Variants in ELL observed in about 807,000 individuals in gnomAD.
ELL encodes the protein elongation factor for RNA polymerase II.
Under a neutral mutation model 64.0 loss-of-function variants are expected in ELL, and 18 were observed. The observed-to-expected ratio is 0.28, with a 90% CI of 0.19 to 0.42. The LOEUF (loss-of-function observed/expected upper bound fraction) is 0.42. ELL is among the 10% of genes least tolerant of loss of function. The probability of loss-of-function intolerance (pLI) is 1.00; values close to 1 mark genes in which losing one functional copy is unlikely to be tolerated. For synonymous variants in ELL, 399 were observed against 376.2 expected (o/e 1.06, Z -0.70); for missense variants, 797 against 870.4 (o/e 0.92, Z 1.06).
rs895126982 is a variant in ELL, at chr19:18,444,675, T to A, written c.*77A>T. On this transcript the variant is annotated 3_prime_UTR_variant, in exon 12 of 12. Coordinates refer to ENST00000262809, the MANE Select transcript of ELL (RefSeq NM_006532.4). The stretch of plus-strand genomic sequence containing the variant: ...CTCAGATGAGCATCTTCCTCGGGTT[T>A]ATTTTTTTAAATAAATCCTCTCTCA... 8 of 1,441,270 alleles carry A rather than the reference T, an allele frequency of 5.6e-6. No individual in the cohort carries two copies. The African/African-American group carries it at 1.1e-4, about 20-fold the overall frequency. 89.3% of individuals were successfully genotyped at this position (1,441,270 alleles called of 1,614,324 possible).
chr19:18,521,942 G>A lies in ELL; in HGVS notation c.114C>T (p.Phe38=). ...VKLTDSALRA[F]ESYRARQDSV... Reference sequence around the variant, plus strand: ...TCACCTGTCTGGCGCGGTAGCTCTCGAAGGCCCTCAGGGCACTGTCGGTGA... The same window carrying A: ...TCACCTGTCTGGCGCGGTAGCTCTCAAAGGCCCTCAGGGCACTGTCGGTGA... Residue 38 remains phenylalanine, a synonymous_variant, in exon 1 of 12, where the codon TTC becomes TTT. Transcript: ENST00000262809. 6.2e-7 allele frequency: 1 copy of A among 1,605,706 alleles called. No homozygotes were observed. Among genetic ancestry groups the A allele is most frequent in the South Asian group, 1.1e-5 (1 of 90,130 alleles).
intron 1 of ELL, 57 bp downstream of exon 1, chr19:18,521,864 G>A: frequency 6.6e-7 from 1 of 1,524,230 alleles, no homozygotes; most frequent in South Asian, 1.2e-5. Context: ...AGGGGAGCGC[G>A]AGGCCGGCCC....
chr19:18,494,782 T>C lies in ELL; in HGVS notation c.136-21900A>G, dbSNP rs898086523. Among the ~76,000 whole-genome samples, 3 of 152,234 alleles carry C rather than the reference T, an allele frequency of 2.0e-5. No homozygotes were observed. The South Asian group carries it at 6.2e-4, about 32-fold the overall frequency. ...GACCCCACTGTCCAGCCTTCTGGGC[T>C]CTGACCAGGTGGGGCATCTTCCTGT... On this transcript the variant is annotated intron_variant, in intron 1 of 11. Coordinates refer to ENST00000262809, the MANE Select transcript of ELL (RefSeq NM_006532.4).
chr19:18,490,332 A>C (rs1315003405), intron 1 of ELL, among the ~76,000 whole-genome samples: 1 of 152,090 alleles, frequency 6.6e-6, no homozygotes, highest in Non-Finnish European at 1.5e-5. Flanking sequence ...CCTGAGAGTA[A>C]AAATACTCTT....
intron 1 of ELL, among the ~76,000 whole-genome samples, chr19:18,484,238 T>C (rs572844392): frequency 6.6e-6 from 1 of 152,118 alleles, no homozygotes; most frequent in Non-Finnish European, 1.5e-5. Flanking sequence ...CCGAGGTGGG[T>C]GGATCACTTG....
At chr19:18,503,931 T>C (rs1296284959) in intron 1 of ELL, among the ~76,000 whole-genome samples, 1 of 152,122 alleles carries the variant, frequency 6.6e-6, no homozygotes, top group Non-Finnish European at 1.5e-5. Context: ...GGACACACAC[T>C]CTGGCCAGAC....
At chr19:18,519,467 A>G (rs1018658859) in intron 1 of ELL, among the ~76,000 whole-genome samples, 2 of 152,184 alleles carry the variant, frequency 1.3e-5, no homozygotes, top group African/African-American at 4.8e-5. Flanking sequence ...CGTGCCTTAG[A>G]AAAGTCCATC....
intron 1 of ELL, among the ~76,000 whole-genome samples, chr19:18,507,214 CG>C (rs1362588526): frequency 1.3e-5 from 2 of 152,228 alleles, no homozygotes; most frequent in Non-Finnish European, 2.9e-5. Context: ...TAGCTGCACC[CG>C]CTCCCTGCCC....
intron 1 of ELL, among the ~76,000 whole-genome samples, chr19:18,488,926 C>T (rs1422828165): frequency 2.6e-5 from 4 of 152,180 alleles, no homozygotes; most frequent in African/African-American, 7.2e-5. Context: ...GCAGGTCATG[C>T]GTCCTGGACC....
chr19:18,493,782 C>A (rs1310057345), intron 1 of ELL, among the ~76,000 whole-genome samples: 1 of 152,236 alleles, frequency 6.6e-6, no homozygotes, highest in Non-Finnish European at 1.5e-5. Flanking sequence ...GCAACCCCAT[C>A]CCTTTCTCAT....
intron 6 of ELL, among the ~76,000 whole-genome samples, chr19:18,453,028 T>C (rs1422544520): frequency 6.6e-6 from 1 of 151,956 alleles, no homozygotes; most frequent in Admixed American, 6.5e-5. Flanking sequence ...TCCCAGCACT[T>C]TGGGAGGCCA....
intron 1 of ELL, among the ~76,000 whole-genome samples, chr19:18,481,224 A>C (rs1975293348): frequency 6.6e-6 from 1 of 152,186 alleles, no homozygotes; most frequent in African/African-American, 2.4e-5. Flanking sequence ...TTATCAATGG[A>C]ATCACATAAG....
chr19:18,513,251 G>A (rs973667610), intron 1 of ELL, among the ~76,000 whole-genome samples: 1 of 152,126 alleles, frequency 6.6e-6, no homozygotes, highest in East Asian at 1.9e-4. Flanking sequence ...TCACCTCATC[G>A]CTCTATGTAG....
rs150241525 is a variant in ELL, at chr19:18,512,950, C to T, written c.135+8971G>A. ...TTTTCACCAACATATAAAAAGGACA[C>T]GGGGCGCAACAACAGCATCTCATGA... On this transcript the variant is annotated intron_variant, in intron 1 of 11. Coordinates refer to ENST00000262809, the MANE Select transcript of ELL (RefSeq NM_006532.4). Among the ~76,000 whole-genome samples, 59 of 152,306 alleles carry T rather than the reference C, an allele frequency of 3.9e-4. 1 individual carries two copies. The East Asian group carries it at 0.01, about 27-fold the overall frequency.
intron 1 of ELL, among the ~76,000 whole-genome samples, chr19:18,505,631 C>T (rs913437589): frequency 6.6e-6 from 1 of 152,148 alleles, no homozygotes; most frequent in African/African-American, 2.4e-5. Context: ...GGAAAGGAAA[C>T]AGTGTGTGAC....
chr19:18,450,421 C>A, intron 8 of ELL, 56 bp downstream of exon 8: 2 of 1,578,128 alleles, frequency 1.3e-6, no homozygotes, highest in Non-Finnish European at 1.7e-6. Context: ...GAGGGTGAGG[C>A]GGGTGTGGGG....
intron 2 of ELL, 136 bp from the exon 3 acceptor site, chr19:18,466,054 C>G: frequency 3.4e-6 from 3 of 881,150 alleles, no homozygotes; most frequent in Non-Finnish European, 4.5e-6. Context: ...AAACACACCC[C>G]TGCTCTTCAG....
At chr19:18,469,361 G>C (rs961479407) in intron 2 of ELL, among the ~76,000 whole-genome samples, 1 of 152,226 alleles carries the variant, frequency 6.6e-6, no homozygotes, top group African/African-American at 2.4e-5. Flanking sequence ...ACCAGCCCGG[G>C]ACCGTGGGGA....
intron 1 of ELL, among the ~76,000 whole-genome samples, chr19:18,480,841 C>A (rs1168035156): frequency 6.6e-6 from 1 of 152,048 alleles, no homozygotes; most frequent in Non-Finnish European, 1.5e-5. Flanking sequence ...GCCATGTTGC[C>A]CAGGCTGGAC....
Sources: gnomAD v4.1 joint callset for allele counts (sites outside exome capture counted in the v4.1 genomes callset) on GRCh38, gnomAD v4.1.1 for gene constraint, MANE v1.5 for transcripts, NCBI Gene and HGNC (gene_info 2026-07-23, HGNC 2026-07-21) for gene names.